SLC6A13: variants seen among roughly 807,000 people sequenced by gnomAD.
The protein encoded by SLC6A13 is sodium- and chloride-dependent GABA transporter 2.
SLC6A13 carries 69 observed loss-of-function variants against 72.9 expected under a neutral mutation model. The observed-to-expected ratio is 0.95, with a 90% CI of 0.78 to 1.16. The LOEUF is 1.16. Among genes scored for constraint, SLC6A13 ranks in the 50% most tolerant of loss-of-function variants. The pLI is 0.00. For missense variants in SLC6A13, 735 were observed against 760.5 expected (o/e 0.97, Z 0.39); for synonymous variants, 303 against 303.0 (o/e 1.00, Z 0.00).
Position 259,851 on chromosome 12 carries a change from C to G in SLC6A13, c.202G>C (p.Gly68Arg). ...GGTGGCACAAGGGCTCTCATCTCAC[C>G]TCCCCCATTTTTGTAGCAGAGATAG... is the stretch of plus-strand genomic sequence containing the variant. ...FPYLCYKNGG[G>R]AFFIPYLVFL... is the part of the protein sequence containing the mutation. Residue 68 changes from glycine to arginine, a missense_variant and splice_region_variant, in exon 2 of 15, where the codon GGT becomes CGT. Gly to Arg is a moderately radical substitution (Grantham distance 125, BLOSUM62 -2). Transcript: ENST00000343164. 1 of 1,614,200 alleles carries G rather than the reference C, an allele frequency of 6.2e-7. No individual in the cohort carries two copies. The highest frequency in any genetic ancestry group is 8.5e-7 in the Non-Finnish European group (1 of 1,180,024).
intron 6 of SLC6A13, among the ~76,000 whole-genome samples, 197 bp from the exon 7 acceptor site, chr12:235,421 C>T (rs998284680): frequency 6.6e-5 from 10 of 152,272 alleles, no homozygotes; most frequent in African/African-American, 1.7e-4. Context: ...GCTGGAGCCA[C>T]GGCAGAGGAA....
intron 6 of SLC6A13, among the ~76,000 whole-genome samples, chr12:236,679 G>T (rs1262280619): frequency 6.6e-6 from 1 of 152,230 alleles, no homozygotes; most frequent in Non-Finnish European, 1.5e-5. Context: ...TCCTCATGGA[G>T]CTTACTAGCT....
rs1377595144 is a variant in SLC6A13 at position 235,332 on chromosome 12, A to T, written c.697-108T>A. On this transcript the variant is annotated intron_variant, in intron 6 of 14. Transcript: ENST00000343164. ...AGAGCTCCTCAGAAAAGGTCAAGGGAGTGTTCCTCCTGCTCCCAGCTCATC... is the reference window on the plus strand; with the variant it reads ...AGAGCTCCTCAGAAAAGGTCAAGGGTGTGTTCCTCCTGCTCCCAGCTCATC... The T allele has an allele frequency of 3.6e-6, 4 of 1,116,888 alleles. No individual in the cohort carries two copies. In the African/African-American group the frequency reaches 6.2e-5, roughly 17 times the overall value. 69.2% of individuals were successfully genotyped at this position (1,116,888 alleles called of 1,614,324 possible). A position where few individuals can be genotyped will look rare whatever the true frequency, so the allele number is the denominator to read the frequency against.
intron 3 of SLC6A13, among the ~76,000 whole-genome samples, chr12:243,406 A>G (rs1390046076): frequency 1.3e-5 from 2 of 152,212 alleles, no homozygotes; most frequent in African/African-American, 4.8e-5. Flanking sequence ...AAAATACAAC[A>G]ACATTGTTAT....
chr12:228,241 C>A (rs1430440917), intron 7 of SLC6A13, among the ~76,000 whole-genome samples: 1 of 152,174 alleles, frequency 6.6e-6, no homozygotes, highest in Non-Finnish European at 1.5e-5. Context: ...CACAGTCCAG[C>A]TAAACATAGA....
intron 4 of SLC6A13, chr12:238,294 T>C: frequency 7.1e-7 from 1 of 1,418,372 alleles, no homozygotes. Flanking sequence ...GGTCAGCTGC[T>C]TCAAGGCATG....
chr12:228,992 C>G lies in SLC6A13; in HGVS notation c.832-1324G>C, dbSNP rs758897854. 4.6e-5 allele frequency among the ~76,000 whole-genome samples: 7 copies of G among 152,196 alleles called. 1 individual carries two copies. Among genetic ancestry groups the G allele is most frequent in the Admixed American group, 1.3e-4 (2 of 15,284 alleles). On this transcript the variant is annotated intron_variant, in intron 7 of 14. Coordinates refer to ENST00000343164, the MANE Select transcript of SLC6A13 (RefSeq NM_016615.5). ...TCATCATGTCTCCATTCTGCAGGGC[C>G]AGGGACAGAGCAAGGAAGACGGTGG...
chr12:255,220 T>G (rs1371880887), intron 2 of SLC6A13, among the ~76,000 whole-genome samples: 2 of 149,310 alleles, frequency 1.3e-5, no homozygotes, highest in Non-Finnish European at 3.0e-5. Flanking sequence ...GCAACCAGGG[T>G]CCAGGGAGCT....
In SLC6A13 at chr12:233,266, G is replaced by A. The variant is rs375217749; in HGVS notation, c.831+1824C>T. 7.2e-5 allele frequency among the ~76,000 whole-genome samples: 11 copies of A among 152,246 alleles called. No individual in the cohort carries two copies. The East Asian group carries it at 1.7e-3, about 24-fold the overall frequency. On this transcript the variant is annotated intron_variant, in intron 7 of 14. Transcript: ENST00000343164. Reference sequence around the variant, plus strand: ...GGCCTCTGGGGCGGAGCTTACCCACGCACCCCTCCGGCCCTCGACACCTCC... The same window carrying A: ...GGCCTCTGGGGCGGAGCTTACCCACACACCCCTCCGGCCCTCGACACCTCC...
intron 2 of SLC6A13, among the ~76,000 whole-genome samples, chr12:253,927 A>G (rs1342252721): frequency 6.6e-6 from 1 of 152,188 alleles, no homozygotes; most frequent in African/African-American, 2.4e-5. Context: ...TTAAGTGAAA[A>G]TGTTGGCAGA....
intron 2 of SLC6A13, chr12:259,621 TTG>T: frequency 7.0e-7 from 1 of 1,425,426 alleles, no homozygotes; most frequent in Non-Finnish European, 9.1e-7. Context: ...TGGTTCCAGC[TTG>T]TGCTCATATT....
In SLC6A13 at chr12:224,406, T is replaced by C. The variant is rs1370615771; in HGVS notation, c.1168A>G (p.Ser390Gly). The change falls in exon 10 of 15, where the codon AGC becomes GGC. Residue 390 changes from serine to glycine, a missense_variant. Physicochemically the swap from Ser to Gly is moderately conservative, Grantham distance 56. Coordinates refer to ENST00000343164, the MANE Select transcript of SLC6A13 (RefSeq NM_016615.5). ...GAGTGGCTGCCTCTTGATACCTGGC[T>C]ATCCAGTCCCAGGAGAACGACCATG... is the stretch of plus-strand genomic sequence containing the variant. ...FFMVVLLGLD[S>G]QFVCVESLVT... 1 of 1,612,556 alleles carries C rather than the reference T, an allele frequency of 6.2e-7. No individual in the cohort carries two copies. Among genetic ancestry groups the C allele is most frequent in the Non-Finnish European group, 8.5e-7 (1 of 1,178,652 alleles).
At chr12:231,798 G>T (rs978158267) in intron 7 of SLC6A13, among the ~76,000 whole-genome samples, 2 of 152,234 alleles carry the variant, frequency 1.3e-5, no homozygotes, top group African/African-American at 4.8e-5. Flanking sequence ...TCTGGAAGCT[G>T]TTATATACCA....
intron 2 of SLC6A13, among the ~76,000 whole-genome samples, chr12:248,655 G>GA (rs1942438301): frequency 6.6e-6 from 1 of 152,058 alleles, no homozygotes; most frequent in Non-Finnish European, 1.5e-5. Context: ...ACTACAAAGA[G>GA]AAACATATAA....
chr12:244,960 C>T (rs1335790056), intron 2 of SLC6A13, among the ~76,000 whole-genome samples: 1 of 152,148 alleles, frequency 6.6e-6, no homozygotes, highest in Non-Finnish European at 1.5e-5. Context: ...GACAAGACTA[C>T]TGATGCCAGA....
chr12:236,203 C>G (rs2080403), intron 6 of SLC6A13, among the ~76,000 whole-genome samples: 57,001 of 152,010 alleles, frequency 0.37, 13,392 homozygotes, highest in Non-Finnish European at 0.53. Context: ...ATTAGTAGAT[C>G]TGCTTTTTGC....
chr12:221,610 G>A lies in SLC6A13; in HGVS notation c.1516-64C>T, dbSNP rs367661293. On this transcript the variant is annotated intron_variant, in intron 13 of 14. Transcript: ENST00000343164. ...GGGGCCTTGTGCCCTCAGCTCCCCC[G>A]CTCCCCAGCAGCCTGGCAGAAATCA... 5.1e-4 allele frequency: 557 copies of A among 1,089,146 alleles called. 4 individuals are homozygous for A. The East Asian group carries it at 7.8e-3, about 15-fold the overall frequency. The allele number at this position is 1,089,146 out of a possible 1,614,324, so 67.5% of individuals were successfully genotyped here.
intron 7 of SLC6A13, among the ~76,000 whole-genome samples, chr12:232,907 G>A (rs565276415): frequency 7.2e-5 from 11 of 152,238 alleles, no homozygotes; most frequent in Admixed American, 1.3e-4. Flanking sequence ...TTTGGCTTCC[G>A]GATAGCCTGA....
chr12:236,569 T>C (rs1941939204), intron 6 of SLC6A13, among the ~76,000 whole-genome samples: 1 of 152,234 alleles, frequency 6.6e-6, no homozygotes, highest in East Asian at 1.9e-4. Flanking sequence ...TAAATATTTG[T>C]TGAGTGGCTG....
Sources: gnomAD v4.1 joint callset for allele counts (sites outside exome capture counted in the v4.1 genomes callset) on GRCh38, gnomAD v4.1.1 for gene constraint, MANE v1.5 for transcripts, NCBI Gene and HGNC (gene_info 2026-07-23, HGNC 2026-07-21) for gene names.